The following BMAL2 variants were observed in gnomAD, a reference collection of about 807,000 sequenced individuals.
BMAL2 encodes basic helix-loop-helix ARNT-like protein 2.
chr12:27,360,872 G>A, the BMAL2 span, among the ~76,000 whole-genome samples: 4 of 142,860 alleles, frequency 2.8e-5, no homozygotes, highest in East Asian at 4.2e-4. Flanking sequence ...AGATTTTTCC[G>A]GGTTTGGACT....
the BMAL2 span, chr12:27,389,847 G>T: frequency 1.2e-5 from 4 of 332,610 alleles, no homozygotes; most frequent in Non-Finnish European, 2.1e-5. Flanking sequence ...AATTAACTTT[G>T]TTCTTCCCCA....
chr12:27,400,146 C>G, the BMAL2 span, among the ~76,000 whole-genome samples: 8 of 151,798 alleles, frequency 5.3e-5, no homozygotes, highest in African/African-American at 1.9e-4. Flanking sequence ...TTACGATATA[C>G]CAAAAAACTT....
chr12:27,354,271 CACGG>C, the BMAL2 span, among the ~76,000 whole-genome samples: 1 of 152,164 alleles, frequency 6.6e-6, no homozygotes, highest in African/African-American at 2.4e-5. Flanking sequence ...TTTGCAGCAA[CACGG>C]ATGGAGCTGG....
At chr12:27,376,301 A>G in the BMAL2 span, 17 of 1,535,038 alleles carry the variant, frequency 1.1e-5, no homozygotes, top group Middle Eastern at 1.7e-4. Flanking sequence ...GAACTACAGA[A>G]AAGGTACTTC....
At chr12:27,376,396 G>A in the BMAL2 span, 3 of 1,613,046 alleles carry the variant, frequency 1.9e-6, no homozygotes, top group Admixed American at 3.3e-5. Flanking sequence ...AGGTACAATT[G>A]ACTTGTTGAG....
the BMAL2 span, chr12:27,422,194 A>G: frequency 2.6e-5 from 4 of 152,132 alleles, no homozygotes; most frequent in Non-Finnish European, 5.9e-5. Flanking sequence ...CTTGCCAAGT[A>G]TGCTCCCATA....
At chr12:27,410,288 A>G in the BMAL2 span, among the ~76,000 whole-genome samples, 4 of 152,200 alleles carry the variant, frequency 2.6e-5, no homozygotes, top group African/African-American at 4.8e-5. Flanking sequence ...TTAAAGACAC[A>G]TACACACGTA....
the BMAL2 span, among the ~76,000 whole-genome samples, chr12:27,397,124 G>T: frequency 6.6e-6 from 1 of 152,146 alleles, no homozygotes; most frequent in Non-Finnish European, 1.5e-5. Context: ...AGGCTGGAGT[G>T]CAGTGGCATG....
the BMAL2 span, chr12:27,401,578 A>G: frequency 5.0e-6 from 8 of 1,610,144 alleles, no homozygotes; most frequent in Non-Finnish European, 6.8e-6. Flanking sequence ...AGAGCAAAAG[A>G]TGGCTCTTTT....
the BMAL2 span, among the ~76,000 whole-genome samples, chr12:27,378,299 G>A: frequency 6.6e-6 from 1 of 152,194 alleles, no homozygotes; most frequent in Non-Finnish European, 1.5e-5. Context: ...GTGGCTCTTA[G>A]ATTTGATGAA....
At chr12:27,335,240 G>C in the BMAL2 span, among the ~76,000 whole-genome samples, 3 of 152,134 alleles carry the variant, frequency 2.0e-5, no homozygotes, top group Admixed American at 2.0e-4. Context: ...TTTTTTAACA[G>C]TGTAAACCAA....
At chr12:27,394,389 A>G in the BMAL2 span, 3 of 152,060 alleles carry the variant, frequency 2.0e-5, no homozygotes, top group African/African-American at 7.2e-5. Flanking sequence ...GCCCTTCCAC[A>G]CTGTATTGAA....
the BMAL2 span, among the ~76,000 whole-genome samples, chr12:27,366,609 T>C: frequency 6.6e-6 from 1 of 152,156 alleles, no homozygotes; most frequent in Admixed American, 6.5e-5. Context: ...AAACATTTAA[T>C]AAACCTCACT....
chr12:27,370,436 A>G, the BMAL2 span, among the ~76,000 whole-genome samples: 1 of 152,172 alleles, frequency 6.6e-6, no homozygotes, highest in African/African-American at 2.4e-5. Flanking sequence ...CTGACTATAT[A>G]GTGTCTTTCC....
chr12:27,343,452 T>C, the BMAL2 span, among the ~76,000 whole-genome samples: 1 of 152,244 alleles, frequency 6.6e-6, no homozygotes, highest in African/African-American at 2.4e-5. Flanking sequence ...GTGTAGAATT[T>C]GGCATATCCA....
chr12:27,378,339 G>A, the BMAL2 span, among the ~76,000 whole-genome samples: 2 of 152,208 alleles, frequency 1.3e-5, no homozygotes, highest in South Asian at 4.1e-4. Context: ...AGGTACTGAG[G>A]TAGCTTAGAG....
the BMAL2 span, among the ~76,000 whole-genome samples, chr12:27,396,292 AAGAAG>A: frequency 6.6e-6 from 1 of 152,248 alleles, no homozygotes; most frequent in Non-Finnish European, 1.5e-5. Flanking sequence ...GCAGCTCAGA[AAGAAG>A]AGAAGAGAAA....
the BMAL2 span, among the ~76,000 whole-genome samples, chr12:27,345,572 TC>T: frequency 1.2e-4 from 18 of 152,220 alleles, no homozygotes; most frequent in African/African-American, 3.9e-4. Context: ...CACTGCAGCC[TC>T]CACGCCTTGG....
chr12:27,340,637 G>A, the BMAL2 span, among the ~76,000 whole-genome samples: 14 of 152,114 alleles, frequency 9.2e-5, no homozygotes, highest in African/African-American at 2.4e-4. Flanking sequence ...TTCTGGTTCC[G>A]TGAAGAATGT....
Sources: allele counts gnomAD v4.1 joint callset (sites outside exome capture counted in the v4.1 genomes callset), GRCh38; gene constraint gnomAD v4.1.1; transcripts MANE v1.5; gene names NCBI Gene and HGNC (gene_info 2026-07-23, HGNC 2026-07-21).